Variants in NBPF11 observed in about 807,000 individuals in gnomAD.
NBPF11 encodes the protein NBPF family member NBPF11.
NBPF11 carries 72 observed loss-of-function variants against 93.9 expected under a neutral mutation model. The observed-to-expected ratio is 0.77, with a 90% confidence interval of 0.63 to 0.93. The LOEUF (loss-of-function observed/expected upper bound fraction) is 0.93, where lower values mean the gene tolerates loss of function less well. NBPF11 is among the 40% of genes least tolerant of loss of function. The pLI, the probability that NBPF11 is intolerant of heterozygous loss-of-function variation, is 0.00. For synonymous variants in NBPF11, 224 were observed against 304.9 expected (o/e 0.73, Z 2.76); for missense variants, 705 against 802.2 (o/e 0.88, Z 1.46).
chr1:148,106,482 C>T (rs1405462481), intron 20 of NBPF11, among the ~76,000 whole-genome samples: 2 of 141,448 alleles, frequency 1.4e-5, no homozygotes, highest in African/African-American at 2.8e-5. Flanking sequence ...TTTGTGCAAA[C>T]AGTTATGCCT....
rs1672030309 is a variant in NBPF11 at position 148,140,700 on chromosome 1, A to G, written c.-277+2715T>C. ...GGGAATTGCACATTAAAACAACGAG[A>G]TATCACCATAAACCTATCAGAATGG... is the stretch of plus-strand genomic sequence containing the variant. On this transcript the variant is annotated intron_variant, in intron 2 of 23. Transcript: ENST00000682118. Among the ~76,000 whole-genome samples the G allele has an allele frequency of 2.6e-5, 4 of 152,188 alleles. No homozygotes were observed. The Middle Eastern group carries it at 0.01, about 388-fold the overall frequency.
At chr1:148,112,341 C>T (rs1193316455) in intron 15 of NBPF11, among the ~76,000 whole-genome samples, 45 of 129,346 alleles carry the variant, frequency 3.5e-4, no homozygotes, top group Admixed American at 1.4e-3. Flanking sequence ...GTGTGATGTT[C>T]CCCTTCCTGT....
Position 148,118,600 on chromosome 1 carries a change from C to A in NBPF11, c.1091+20G>T. ...ATTTACACACCTGCCCCCCTGCCTG[C>A]CCCCATGGGGTCCCCTCACCTGAGC... On this transcript the variant is annotated intron_variant, in intron 11 of 23. Coordinates refer to ENST00000682118, the MANE Select transcript of NBPF11 (RefSeq NM_001385469.3). 1 of 1,599,066 alleles carries A rather than the reference C, an allele frequency of 6.3e-7. No individual in the cohort carries two copies. Among genetic ancestry groups the A allele is most frequent in the Non-Finnish European group, 8.6e-7 (1 of 1,168,050 alleles).
Position 148,151,967 on chromosome 1 carries a change from GCCC to G in NBPF11, c.-769_-767del, listed in dbSNP as rs1648487230. On this transcript the variant is annotated 5_prime_UTR_variant, in exon 1 of 24. Transcript: ENST00000682118. ...ACCGCCGCCCAGCAACTTGCTTGCG[GCCC>G]GCTGGCTCCTCAGGGTCCGGATGGG... The G allele has an allele frequency of 6.6e-6, 1 of 152,496 alleles. No individual in the cohort carries two copies. The highest frequency in any genetic ancestry group is 1.5e-5 in the Non-Finnish European group (1 of 68,454). 9.4% of individuals were successfully genotyped at this position (152,496 alleles called of 1,614,324 possible).
intron 23 of NBPF11, 54 bp from the exon 24 acceptor site, chr1:148,103,966 A>G: frequency 6.2e-7 from 1 of 1,610,092 alleles, no homozygotes; most frequent in Non-Finnish European, 8.5e-7. Flanking sequence ...GACACCACAG[A>G]GCCCCACTAG....
At position 148,120,676 on chromosome 1, in the gene NBPF11, G is replaced by A; in HGVS notation, c.813C>T (p.Ser271=). 1 of 1,536,718 alleles carries A rather than the reference G, an allele frequency of 6.5e-7. No homozygotes were observed. The highest frequency in any genetic ancestry group is 9.0e-7 in the Non-Finnish European group (1 of 1,111,640). ...ACAAAGGGCCGGCTGATACCACCAT[G>A]CTGACGTTTGTGGCAGAAGAGGTGG... ...PGPTSSATNV[S]MVVSAGPLSS... The change falls in exon 10 of 24, where the codon AGC becomes AGT. Residue 271 remains serine, a synonymous_variant. Transcript: ENST00000682118.
Position 148,117,225 on chromosome 1 carries a change from C to T in NBPF11, c.1306+347G>A, listed in dbSNP as rs1215321362. 8.0e-5 allele frequency among the ~76,000 whole-genome samples: 12 copies of T among 150,774 alleles called. 1 individual carries two copies. Among genetic ancestry groups the T allele is most frequent in the African/African-American group, 2.5e-4 (10 of 40,550 alleles). On this transcript the variant is annotated intron_variant, in intron 12 of 23. Coordinates refer to ENST00000682118, the MANE Select transcript of NBPF11 (RefSeq NM_001385469.3). ...TCACCGACAGTTACTAAGAACATTG[C>T]CAAAAAGACAGCCTGGGAACCTTCA...
Position 148,146,292 on chromosome 1 carries a change from C to T in NBPF11, c.-548-2606G>A, listed in dbSNP as rs1328894654. 45 of 1,341,492 alleles carry T rather than the reference C, an allele frequency of 3.4e-5. No individual in the cohort carries two copies. In the East Asian group the frequency reaches 9.4e-4, roughly 28 times the overall value. The allele number at this position is 1,341,492 out of a possible 1,614,324, so 83.1% of individuals were successfully genotyped here. The stretch of plus-strand genomic sequence containing the variant: ...CGGTAGCTGGGGGGGCGCTCTCCCC[C>T]CTGCCCGCGACTCGGAGCACCCCAC... On this transcript the variant is annotated intron_variant, in intron 1 of 23. Transcript: ENST00000682118.
chr1:148,116,867 G>A (rs1666684303), intron 12 of NBPF11, among the ~76,000 whole-genome samples: 1 of 152,128 alleles, frequency 6.6e-6, no homozygotes, highest in African/African-American at 2.4e-5. Context: ...CAGGCTTGGT[G>A]TCCTGTCACA....
Position 148,124,930 on chromosome 1 carries a change from C to T in NBPF11, c.247G>A (p.Ala83Thr). 3.1e-6 allele frequency: 5 copies of T among 1,610,092 alleles called. No homozygotes were observed. The highest frequency in any genetic ancestry group is 4.2e-6 in the Non-Finnish European group (5 of 1,179,856). Residue 83 changes from alanine (A) to threonine (T), a missense_variant, in exon 6 of 24, where the codon GCA becomes ACA. Coordinates refer to ENST00000682118, the MANE Select transcript of NBPF11 (RefSeq NM_001385469.3). ...NERQFKEEKL[A>T]EQLKQAEELR... ...TCCTCAGCTTGCTTGAGCTGCTCTG[C>T]AAGCTTCTCCTCCTTGAACTGTCGC...
chr1:148,126,744 A>G (rs1237677403), intron 5 of NBPF11, 85 bp downstream of exon 5: 3 of 1,171,874 alleles, frequency 2.6e-6, no homozygotes, highest in African/African-American at 1.5e-5. Context: ...CTAGAAGTAC[A>G]GGAAGGATGA....
rs1215502846 is a variant in NBPF11, at chr1:148,108,551, A to T, written c.1957T>A (p.Cys653Ser). 6.2e-7 allele frequency: 1 copy of T among 1,603,964 alleles called. No homozygotes were observed. The highest frequency in any genetic ancestry group is 1.7e-5 in the Admixed American group (1 of 59,948). ...PSVYLGLTDS[C>S]QPYRSAFYVL... is the part of the protein sequence containing the mutation. Reference sequence around the variant, plus strand: ...TAAAAGGCACTTCTGTAGGGCTGGCATGAGTCAGTCAGTCCAAGATAAACT... The same window carrying T: ...TAAAAGGCACTTCTGTAGGGCTGGCTTGAGTCAGTCAGTCCAAGATAAACT... Residue 653 changes from cysteine (C) to serine (S), a missense_variant, in exon 18 of 24, where the codon TGC (cysteine) becomes AGC (serine). Cys to Ser is a moderately radical substitution (Grantham distance 112). Around this residue, in one of 12 missense-constraint regions of NBPF11, gnomAD observed 97 missense variants for 65.0 expected, o/e 1.49. Transcript: ENST00000682118.
At chr1:148,117,274 C>T (rs1246114380) in intron 12 of NBPF11, among the ~76,000 whole-genome samples, 21 of 148,924 alleles carry the variant, frequency 1.4e-4, no homozygotes, top group African/African-American at 5.3e-4. Flanking sequence ...GCTCTTTTCA[C>T]TCTAACAAGC....
At position 148,147,852 on chromosome 1, in the gene NBPF11, T is replaced by C. The variant is rs1490748468; in HGVS notation, c.-549+3898A>G. The stretch of plus-strand genomic sequence containing the variant: ...CTCGGCCCCTCCTGTCTCTACTGCC[T>C]GGGCCACTGGCAGAGTCACACCTGC... On this transcript the variant is annotated intron_variant, in intron 1 of 23. Coordinates refer to ENST00000682118, the MANE Select transcript of NBPF11 (RefSeq NM_001385469.3). 9.0e-3 allele frequency among the ~76,000 whole-genome samples: 1,374 copies of C among 152,098 alleles called. 52 individuals are homozygous for C. Among genetic ancestry groups the C allele is most frequent in the African/African-American group, 0.032 (1,315 of 41,390 alleles).
intron 3 of NBPF11, among the ~76,000 whole-genome samples, chr1:148,136,361 ATATC>A (rs1487671913): frequency 6.6e-6 from 1 of 151,946 alleles, no homozygotes; most frequent in African/African-American, 2.4e-5. Flanking sequence ...TTGTATTCAA[ATATC>A]TATCAATATA....
chr1:148,104,140 CAG>C, intron 23 of NBPF11, among the ~76,000 whole-genome samples: 2 of 129,678 alleles, frequency 1.5e-5, no homozygotes, highest in Middle Eastern at 7.2e-3. Flanking sequence ...GAGACAGAGA[CAG>C]AGACAGAGAG....
chr1:148,135,156 G>T (rs1271969078), intron 4 of NBPF11: 1 of 145,192 alleles, frequency 6.9e-6, no homozygotes, highest in African/African-American at 2.9e-5. Flanking sequence ...GATATTCTGT[G>T]ACTCTGGTTT....
intron 4 of NBPF11, among the ~76,000 whole-genome samples, chr1:148,129,312 TTATA>T (rs1305286762): frequency 6.9e-6 from 1 of 144,294 alleles, no homozygotes; most frequent in Non-Finnish European, 1.5e-5. Context: ...TATATATATA[TTATA>T]TATATATTTT....
Position 148,146,559 on chromosome 1 carries a change from C to G in NBPF11, c.-548-2873G>C. The G allele has an allele frequency of 3.1e-6, 5 of 1,605,598 alleles. No homozygotes were observed. In the South Asian group the frequency reaches 4.4e-5, roughly 14 times the overall value. Reference sequence around the variant, plus strand: ...GGGCCGGGGCCGCCCCCTTGGGGACCCTGAGAGCCTCCTCGGGCGCACCCG... The same window carrying G: ...GGGCCGGGGCCGCCCCCTTGGGGACGCTGAGAGCCTCCTCGGGCGCACCCG... On this transcript the variant is annotated intron_variant, in intron 1 of 23. Transcript: ENST00000682118.
Sources: allele counts gnomAD v4.1 joint callset (sites outside exome capture counted in the v4.1 genomes callset), GRCh38; gene constraint gnomAD v4.1.1; regional missense constraint gnomAD v4.1.1; transcripts MANE v1.5; gene names NCBI Gene and HGNC (gene_info 2026-07-23, HGNC 2026-07-21).